Variants in SORL1 observed in about 807,000 individuals in gnomAD.
SORL1 encodes sortilin-related receptor.
A neutral mutation model predicts 273.7 loss-of-function variants in SORL1; 127 were observed. The observed-to-expected ratio is 0.46, with a 90% CI of 0.40 to 0.54. The LOEUF is 0.54. Among genes scored for constraint, SORL1 ranks in the 20% least tolerant of loss-of-function variants. The probability of loss-of-function intolerance (pLI) is 0.00; values close to 1 mark genes in which losing one functional copy is unlikely to be tolerated. For synonymous variants in SORL1, 1,031 were observed against 1,067.4 expected (o/e 0.97, Z 0.66); for missense variants, 2,494 against 2,846.1 (o/e 0.88, Z 2.81).
At chr11:121,611,022 C>T in intron 38 of SORL1, 54 bp from the exon 39 acceptor site, 1 of 1,214,408 alleles carries the variant, frequency 8.2e-7, no homozygotes, top group Non-Finnish European at 1.2e-6. Flanking sequence ...TAAGTCCTGC[C>T]TTCCTCACTT....
Position 121,586,870 on chromosome 11 carries a change from A to G in SORL1, c.3814+541A>G, listed in dbSNP as rs914574837. Among the ~76,000 whole-genome samples the G allele has an allele frequency of 3.7e-4, 57 of 152,154 alleles. 1 individual carries two copies. The highest frequency in any genetic ancestry group is 1.4e-3 in the African/African-American group (57 of 41,502). On this transcript the variant is annotated intron_variant, in intron 27 of 47. Coordinates refer to ENST00000260197, the MANE Select transcript of SORL1 (RefSeq NM_003105.6). ...CTGGACCTTACCCCCAGAGATTCTG[A>G]TTTAATTAGCGTAGGTGTGGCTGGG...
intron 1 of SORL1, among the ~76,000 whole-genome samples, chr11:121,455,864 A>T (rs1051399778): frequency 1.2e-4 from 18 of 152,174 alleles, no homozygotes; most frequent in African/African-American, 4.1e-4. Flanking sequence ...GTGGTGGCAG[A>T]TGCCTGTAGT....
At chr11:121,542,310 G>A (rs1862359844) in intron 12 of SORL1, among the ~76,000 whole-genome samples, 1 of 152,144 alleles carries the variant, frequency 6.6e-6, no homozygotes, top group Admixed American at 6.5e-5. Context: ...TTCAATCCGG[G>A]ATTTAGCCAG....
At chr11:121,548,934 T>C (rs1002832935) in intron 14 of SORL1, among the ~76,000 whole-genome samples, 7 of 152,232 alleles carry the variant, frequency 4.6e-5, no homozygotes, top group Non-Finnish European at 1.0e-4. Flanking sequence ...GTGGAATATA[T>C]GTTCTGTTCT....
At chr11:121,462,527 C>A (rs1380383366) in intron 1 of SORL1, among the ~76,000 whole-genome samples, 1 of 152,266 alleles carries the variant, frequency 6.6e-6, no homozygotes, top group Middle Eastern at 3.4e-3. Flanking sequence ...TTGTTTAATG[C>A]GTGTTTTCCC....
At chr11:121,455,085 G>T (rs1375503168) in intron 1 of SORL1, among the ~76,000 whole-genome samples, 2 of 152,126 alleles carry the variant, frequency 1.3e-5, no homozygotes, top group African/African-American at 4.8e-5. Context: ...CTTGACTTGA[G>T]TGTGGTTCTA....
intron 32 of SORL1, among the ~76,000 whole-genome samples, chr11:121,601,279 C>A (rs1194106046): frequency 7.2e-6 from 1 of 139,224 alleles, no homozygotes; most frequent in Non-Finnish European, 1.5e-5. Context: ...GCCACATTTT[C>A]TTAATCCAGT....
intron 25 of SORL1, among the ~76,000 whole-genome samples, chr11:121,579,864 G>T (rs1415278153): frequency 6.6e-6 from 1 of 152,176 alleles, no homozygotes; most frequent in South Asian, 2.1e-4. Flanking sequence ...GAGTCTATGA[G>T]TGGCAAACTC....
At chr11:121,622,843 T>A (rs1466939142) in intron 45 of SORL1, among the ~76,000 whole-genome samples, 1 of 152,236 alleles carries the variant, frequency 6.6e-6, no homozygotes, top group African/African-American at 2.4e-5. Context: ...GGAGTAGATT[T>A]ACCACCCAAG....
rs1862948506 is a variant in SORL1 at position 121,577,367 on chromosome 11, T to C, written c.3547T>C (p.Cys1183Arg). 1 of 1,612,916 alleles carries C rather than the reference T, an allele frequency of 6.2e-7. No homozygotes were observed. Among genetic ancestry groups the C allele is most frequent in the Non-Finnish European group, 8.5e-7 (1 of 1,179,472 alleles). ...SSWVCDGDND[C>R]RDWSDEANCT... ...CTGGGTATGTGACGGGGACAACGAC[T>C]GCAGGGACTGGTCTGATGAAGCCAA... The change falls in exon 25 of 48, where the codon TGC (cysteine) becomes CGC (arginine). Residue 1183 changes from cysteine to arginine, a missense_variant. By Grantham distance (180) the Cys-to-Arg change is radical (BLOSUM62 -3). This residue lies in a region of SORL1 where 1,609 missense variants were observed against 1,816.4 expected (regional missense o/e 0.89). Transcript: ENST00000260197.
At chr11:121,514,891 G>T (rs1861928994) in intron 8 of SORL1, among the ~76,000 whole-genome samples, 1 of 152,156 alleles carries the variant, frequency 6.6e-6, no homozygotes, top group African/African-American at 2.4e-5. Flanking sequence ...AGGAGTTGGG[G>T]GTTTGGGAGG....
chr11:121,566,075 G>A (rs1050619251), intron 21 of SORL1, among the ~76,000 whole-genome samples: 1 of 152,168 alleles, frequency 6.6e-6, no homozygotes, highest in East Asian at 1.9e-4. Flanking sequence ...TTAACCAGGT[G>A]TATGTTCTAA....
Position 121,605,394 on chromosome 11 carries a change from TGGGCCAG to T in SORL1, c.4779-5_4780del. 6.2e-7 allele frequency: 1 copy of T among 1,602,534 alleles called. No individual in the cohort carries two copies. Among genetic ancestry groups the T allele is most frequent in the Admixed American group, 1.7e-5 (1 of 58,774 alleles). On this transcript the variant is annotated splice_acceptor_variant and splice_polypyrimidine_tract_variant and intron_variant, in intron 34 of 47. Coordinates refer to ENST00000260197, the MANE Select transcript of SORL1 (RefSeq NM_003105.6). LOFTEE classifies it high-confidence loss of function. ...GTGTGACAATATCTTTATTTTTTTT[TGGGCCAG>T]GGTGGTTGGAGAGAGCATATGGAAG...
At chr11:121,522,535 C>G in intron 9 of SORL1, 51 bp from the exon 10 acceptor site, 2 of 1,353,484 alleles carry the variant, frequency 1.5e-6, no homozygotes, top group Non-Finnish European at 2.1e-6. Flanking sequence ...TTACAGGGAA[C>G]GCTAGGCATG....
At chr11:121,507,587 A>G (rs1388819498) in intron 6 of SORL1, among the ~76,000 whole-genome samples, 2 of 151,840 alleles carry the variant, frequency 1.3e-5, no homozygotes, top group Non-Finnish European at 2.9e-5. Flanking sequence ...TATACTTTTC[A>G]ACTCCCAAAT....
At position 121,605,384 on chromosome 11, in the gene SORL1, T is replaced by G. The variant is rs762974657; in HGVS notation, c.4779-18T>G. The G allele has an allele frequency of 2.5e-6, 4 of 1,603,810 alleles. No individual in the cohort carries two copies. Among genetic ancestry groups the G allele is most frequent in the Non-Finnish European group, 3.4e-6 (4 of 1,172,546 alleles). ...TGCTGCTCCAGTGTGACAATATCTTTATTTTTTTTTGGGCCAGGGTGGTTG... is the reference window on the plus strand; with the variant it reads ...TGCTGCTCCAGTGTGACAATATCTTGATTTTTTTTTGGGCCAGGGTGGTTG... On this transcript the variant is annotated intron_variant, in intron 34 of 47. Coordinates refer to ENST00000260197, the MANE Select transcript of SORL1 (RefSeq NM_003105.6).
chr11:121,613,576 G>T (rs1375470305), intron 40 of SORL1, among the ~76,000 whole-genome samples: 1 of 151,996 alleles, frequency 6.6e-6, no homozygotes, highest in Non-Finnish European at 1.5e-5. Context: ...CAAGGTGCCC[G>T]AGGAGGCTGT....
intron 2 of SORL1, among the ~76,000 whole-genome samples, chr11:121,477,245 T>C (rs1861283990): frequency 6.6e-6 from 1 of 152,206 alleles, no homozygotes; most frequent in Non-Finnish European, 1.5e-5. Context: ...TCTCACAGTA[T>C]TGTCACGTCA....
At chr11:121,474,804 C>T (rs1175439656) in intron 2 of SORL1, among the ~76,000 whole-genome samples, 1 of 152,220 alleles carries the variant, frequency 6.6e-6, no homozygotes, top group Non-Finnish European at 1.5e-5. Context: ...GAAAGGAAAG[C>T]GCAAGTCGGG....
Sources: allele counts gnomAD v4.1 joint callset (sites outside exome capture counted in the v4.1 genomes callset), GRCh38; gene constraint gnomAD v4.1.1; regional missense constraint gnomAD v4.1.1; transcripts MANE v1.5; gene names NCBI Gene and HGNC (gene_info 2026-07-23, HGNC 2026-07-21).